MTF2: variants seen among roughly 807,000 people sequenced by gnomAD.
The protein encoded by MTF2 is metal response element binding transcription factor 2.
In MTF2, 11 loss-of-function variants were observed where a neutral mutation model predicts 79.5. That is an observed-to-expected ratio of 0.14 (90% CI 0.09 to 0.23). MTF2 has a LOEUF of 0.23. Among genes scored for constraint, MTF2 ranks in the 10% least tolerant of loss-of-function variants. The probability of loss-of-function intolerance (pLI) is 1.00; values close to 1 mark genes in which losing one functional copy is unlikely to be tolerated. For synonymous variants in MTF2, 208 were observed against 232.8 expected (o/e 0.89, Z 0.97); for missense variants, 486 against 711.2 (o/e 0.68, Z 3.60).
chr1:93,137,094 G>A lies in MTF2; in HGVS notation c.*67G>A. On this transcript the variant is annotated 3_prime_UTR_variant, in exon 15 of 15. Transcript: ENST00000370298. ...GTAGGTACAGTTCAAAGCCCTAAAGGAGTCTGGCTTTTACTATCTTTCTTA... is the reference window on the plus strand; with the variant it reads ...GTAGGTACAGTTCAAAGCCCTAAAGAAGTCTGGCTTTTACTATCTTTCTTA... 1.5e-6 allele frequency: 2 copies of A among 1,341,942 alleles called. No individual in the cohort carries two copies. Among genetic ancestry groups the A allele is most frequent in the Non-Finnish European group, 2.0e-6 (2 of 980,070 alleles). 83.1% of individuals were successfully genotyped at this position (1,341,942 alleles called of 1,614,324 possible).
intron 1 of MTF2, among the ~76,000 whole-genome samples, chr1:93,109,965 G>A (rs1156756728): frequency 1.3e-5 from 2 of 152,102 alleles, no homozygotes; most frequent in Non-Finnish European, 2.9e-5. Flanking sequence ...TTATTTTGAT[G>A]GCAGCTGCCT....
chr1:93,119,534 T>A, intron 8 of MTF2, 133 bp downstream of exon 8: 1 of 627,340 alleles, frequency 1.6e-6, no homozygotes, highest in Non-Finnish European at 2.7e-6. Context: ...CTTTTATTTA[T>A]CCTCATGCCT....
intron 14 of MTF2, chr1:93,134,592 AT>A (rs1286746301): frequency 6.2e-6 from 1 of 162,150 alleles, no homozygotes; most frequent in Non-Finnish European, 1.3e-5. Context: ...TGGCACAATC[AT>A]GGCTCATTGC....
In MTF2 at chr1:93,103,026, G is replaced by A. The variant is rs482122; in HGVS notation, c.6-7204G>A. Among the ~76,000 whole-genome samples, 1,233 of 152,004 alleles carry A rather than the reference G, an allele frequency of 8.1e-3. 8 individuals carry two copies. Among genetic ancestry groups the A allele is most frequent in the Non-Finnish European group, 0.012 (833 of 67,990 alleles). ...GGGCGCCTGTAGTCTCAGCTACTTG[G>A]GAGGCTGAGGCAGGAGAATTGCTTG... On this transcript the variant is annotated intron_variant, in intron 1 of 14. Transcript: ENST00000370298.
chr1:93,114,880 T>G (rs904841615), intron 4 of MTF2, 97 bp downstream of exon 4: 29 of 1,213,552 alleles, frequency 2.4e-5, no homozygotes, highest in Non-Finnish European at 3.1e-5. Context: ...GAAATTATCC[T>G]TTTTATTAAT....
chr1:93,134,424 G>T (rs890130207), intron 14 of MTF2: 2 of 487,700 alleles, frequency 4.1e-6, no homozygotes, highest in Admixed American at 3.9e-5. Context: ...GAAATTTGCT[G>T]TGTACACAGA....
At chr1:93,115,146 A>G (rs1656198539) in intron 5 of MTF2, 58 bp downstream of exon 5, 1 of 1,275,296 alleles carries the variant, frequency 7.8e-7, no homozygotes, top group Non-Finnish European at 1.1e-6. Flanking sequence ...CATTATCAAC[A>G]TAATGATTGT....
intron 1 of MTF2, among the ~76,000 whole-genome samples, chr1:93,103,548 TGTA>T (rs923469676): frequency 2.0e-5 from 3 of 152,016 alleles, no homozygotes; most frequent in African/African-American, 7.2e-5. Context: ...ATTATAAATA[TGTA>T]GTACAAATAA....
intron 10 of MTF2, among the ~76,000 whole-genome samples, chr1:93,127,539 AT>A (rs974802659): frequency 8.9e-4 from 135 of 152,324 alleles, no homozygotes; most frequent in Non-Finnish European, 1.7e-3. Flanking sequence ...CTCTGGGAGA[AT>A]TTAGCCTGTT....
intron 9 of MTF2, chr1:93,121,662 A>T (rs1477245582): frequency 3.1e-6 from 3 of 963,894 alleles, no homozygotes; most frequent in Non-Finnish European, 3.7e-6. Flanking sequence ...TCAATTGATG[A>T]ATTTTTGAAT....
chr1:93,118,148 G>C (rs1656326930), intron 6 of MTF2, among the ~76,000 whole-genome samples, 197 bp from the exon 7 acceptor site: 1 of 152,056 alleles, frequency 6.6e-6, no homozygotes, highest in East Asian at 1.9e-4. Context: ...GAATAAAAGA[G>C]AGAAGAGGGA....
intron 1 of MTF2, among the ~76,000 whole-genome samples, chr1:93,095,655 CTT>C (rs111973268): frequency 2.7e-4 from 32 of 118,694 alleles, no homozygotes; most frequent in Admixed American, 4.3e-4. Context: ...TTTCTCTGTT[CTT>C]TTTTTTTTTT....
chr1:93,126,940 G>A (rs1656721660), intron 9 of MTF2, among the ~76,000 whole-genome samples: 1 of 152,026 alleles, frequency 6.6e-6, no homozygotes, highest in African/African-American at 2.4e-5. Flanking sequence ...TCCCATTTTT[G>A]TGGTGTTTTA....
At chr1:93,122,346 A>G (rs1571246046) in intron 9 of MTF2, among the ~76,000 whole-genome samples, 1 of 152,180 alleles carries the variant, frequency 6.6e-6, no homozygotes, top group Non-Finnish European at 1.5e-5. Flanking sequence ...CATTGGGTAT[A>G]TATAATATAA....
At chr1:93,125,664 A>G (rs1656667941) in intron 9 of MTF2, among the ~76,000 whole-genome samples, 1 of 151,912 alleles carries the variant, frequency 6.6e-6, no homozygotes, top group South Asian at 2.1e-4. Flanking sequence ...GGGATACTCA[A>G]TTTGATAGCA....
rs913784254 is a variant in MTF2, at chr1:93,127,239, A to T, written c.929A>T (p.Asp310Val). The part of the protein sequence containing the change: ...WDRLHPGELA[D>V]TPKSERYEHV... ...TTTCTTGATACTTCACAGCTGGCAG[A>T]CACACCAAAATCTGAAAGATATGAG... Residue 310 changes from aspartate (D) to valine (V), a missense_variant, in exon 10 of 15, where the codon GAC becomes GTC. Asp to Val is a radical substitution (Grantham distance 152). This residue lies in a region of MTF2 where 177 missense variants were observed against 364.0 expected (regional missense o/e 0.49). Coordinates refer to ENST00000370298, the MANE Select transcript of MTF2 (RefSeq NM_007358.4). 11 of 1,611,274 alleles carry T rather than the reference A, an allele frequency of 6.8e-6. No individual in the cohort carries two copies. Among genetic ancestry groups the T allele is most frequent in the Non-Finnish European group, 9.3e-6 (11 of 1,177,606 alleles).
intron 6 of MTF2, among the ~76,000 whole-genome samples, chr1:93,117,852 C>T (rs1244712653): frequency 6.6e-6 from 1 of 151,704 alleles, no homozygotes. Context: ...CACAGGGAGA[C>T]CTCAGTTTTA....
chr1:93,128,502 A>C (rs747385409), intron 10 of MTF2, among the ~76,000 whole-genome samples: 14 of 149,744 alleles, frequency 9.3e-5, no homozygotes, highest in Non-Finnish European at 1.8e-4. Context: ...AGTTGCAGTG[A>C]GCCGAATTGA....
At chr1:93,117,683 A>G (rs982504259) in intron 6 of MTF2, among the ~76,000 whole-genome samples, 1 of 152,138 alleles carries the variant, frequency 6.6e-6, no homozygotes, top group Non-Finnish European at 1.5e-5. Context: ...GGGGCAAACA[A>G]CAGTACCTCT....
Sources: gnomAD v4.1 joint callset for allele counts (sites outside exome capture counted in the v4.1 genomes callset) on GRCh38, gnomAD v4.1.1 for gene constraint, gnomAD v4.1.1 regional missense constraint, MANE v1.5 for transcripts, NCBI Gene and HGNC (gene_info 2026-07-23, HGNC 2026-07-21) for gene names.